Variants in ITGB6 observed in about 807,000 individuals in gnomAD.
ITGB6 encodes the protein integrin subunit beta 6.
ITGB6 carries 80 observed loss-of-function variants against 84.5 expected under a neutral mutation model. The ratio of observed to expected loss-of-function variants is 0.95; its 90% CI spans 0.79 to 1.14. ITGB6 has a LOEUF of 1.14. Among genes scored for constraint, ITGB6 ranks in the 50% most tolerant of loss-of-function variants. ITGB6 has a pLI of 0.00. For synonymous variants in ITGB6, 383 were observed against 354.9 expected, an observed-to-expected ratio of 1.08 and a Z score of -0.89; for missense variants, 1,006 against 968.0, an observed-to-expected ratio of 1.04 and a Z score of -0.52.
In ITGB6 at chr2:160,173,877, C is replaced by A; in HGVS notation, c.759+97G>T. ...ATATGAAATATAGAAATTTAGAGAT[C>A]AAAGGAAAGGAAATTAGCTAATCTT... On this transcript the variant is annotated intron_variant, in intron 5 of 14. Transcript: ENST00000283249. 13 of 1,077,588 alleles carry A rather than the reference C, an allele frequency of 1.2e-5. No homozygotes were observed. The South Asian group carries it at 2.1e-4, about 17-fold the overall frequency. 66.8% of individuals were successfully genotyped at this position (1,077,588 alleles called of 1,614,324 possible). A position where few individuals can be genotyped will look rare whatever the true frequency, so the allele number is the denominator to read the frequency against.
intron 12 of ITGB6, among the ~76,000 whole-genome samples, chr2:160,114,049 G>A (rs966581908): frequency 1.3e-5 from 2 of 152,062 alleles, no homozygotes; most frequent in Admixed American, 1.3e-4. Flanking sequence ...ACTCCTTTCA[G>A]TAATATTAAC....
intron 4 of ITGB6, among the ~76,000 whole-genome samples, chr2:160,189,540 G>C (rs574219694): frequency 0.029 from 4,474 of 152,126 alleles, 64 homozygotes; most frequent in Middle Eastern, 0.13. Flanking sequence ...AAAAGTGGGC[G>C]AAGGATATGA....
At chr2:160,199,950 C>T in intron 1 of ITGB6, 53 bp downstream of exon 1, 1 of 1,353,864 alleles carries the variant, frequency 7.4e-7, no homozygotes, top group Non-Finnish European at 1.1e-6. Flanking sequence ...AACCAAATGA[C>T]AGGTTTGTCA....
At chr2:160,104,398 A>G (rs1241199368) in intron 14 of ITGB6, among the ~76,000 whole-genome samples, 4 of 152,186 alleles carry the variant, frequency 2.6e-5, no homozygotes. Context: ...GCTGAAATGC[A>G]GGCTTGAGTC....
chr2:160,181,933 G>A (rs1685695091), intron 4 of ITGB6, among the ~76,000 whole-genome samples: 1 of 152,112 alleles, frequency 6.6e-6, no homozygotes, highest in African/African-American at 2.4e-5. Flanking sequence ...GAACAGAAAG[G>A]AATAGCATCA....
chr2:160,189,112 C>T (rs1686032638), intron 4 of ITGB6, among the ~76,000 whole-genome samples: 1 of 152,104 alleles, frequency 6.6e-6, no homozygotes, highest in Non-Finnish European at 1.5e-5. Flanking sequence ...AAAGGATTCC[C>T]TATTTAATAA....
chr2:160,136,474 A>G (rs1683727041), intron 10 of ITGB6, among the ~76,000 whole-genome samples: 1 of 152,200 alleles, frequency 6.6e-6, no homozygotes, highest in South Asian at 2.1e-4. Flanking sequence ...TAGTTCAACC[A>G]TTGTGGAAGT....
intron 4 of ITGB6, among the ~76,000 whole-genome samples, chr2:160,191,321 T>C (rs1686132354): frequency 1.3e-5 from 2 of 152,188 alleles, no homozygotes; most frequent in Admixed American, 6.6e-5. Context: ...AATAACAGAA[T>C]GCTGATTTTG....
chr2:160,171,629 CG>C (rs1313296888), intron 6 of ITGB6, among the ~76,000 whole-genome samples: 1 of 152,166 alleles, frequency 6.6e-6, no homozygotes, highest in Admixed American at 6.5e-5. Flanking sequence ...CCAACGTGCC[CG>C]GCCTCTATTT....
intron 4 of ITGB6, among the ~76,000 whole-genome samples, chr2:160,185,560 T>G (rs1292942570): frequency 1.3e-5 from 2 of 152,216 alleles, no homozygotes; most frequent in Non-Finnish European, 2.9e-5. Context: ...AAGTAATTTA[T>G]AGATTCAATG....
Position 160,174,106 on chromosome 2 carries a change from T to A in ITGB6, c.627A>T (p.Gly209=). ...TTGTCAATGGCAAAATGTGCTTGAA[T>A]CCAAATGTAGGTAAACAGAAGTATG... is the stretch of plus-strand genomic sequence containing the variant. ...SIPYFCLPTF[G]FKHILPLTND... The change falls in exon 5 of 15, where the codon GGA becomes GGT. Residue 209 remains glycine (G), a synonymous_variant. Transcript: ENST00000283249. The A allele has an allele frequency of 6.2e-7, 1 of 1,611,288 alleles. No homozygotes were observed. Among genetic ancestry groups the A allele is most frequent in the Non-Finnish European group, 8.5e-7 (1 of 1,179,322 alleles).
intron 8 of ITGB6, among the ~76,000 whole-genome samples, chr2:160,140,324 T>C (rs948617299): frequency 7.2e-5 from 11 of 152,220 alleles, no homozygotes; most frequent in Admixed American, 5.2e-4. Flanking sequence ...AATTCAAATG[T>C]TTAATGCCTT....
At position 160,190,428 on chromosome 2, in the gene ITGB6, T is replaced by G. The variant is rs779572293; in HGVS notation, c.593+4941A>C. 8.5e-5 allele frequency among the ~76,000 whole-genome samples: 13 copies of G among 152,118 alleles called. 1 individual carries two copies. Among genetic ancestry groups the G allele is most frequent in the Non-Finnish European group, 1.5e-5 (1 of 68,018 alleles). On this transcript the variant is annotated intron_variant, in intron 4 of 14. Coordinates refer to ENST00000283249, the MANE Select transcript of ITGB6 (RefSeq NM_000888.5). ...GCGAAAACACCGAAGGCTTGAGAGA[T>G]GAAATGATTCACCTAAGCTCACATT...
chr2:160,164,172 C>T (rs1684918933), intron 7 of ITGB6, among the ~76,000 whole-genome samples: 1 of 152,164 alleles, frequency 6.6e-6, no homozygotes, highest in Non-Finnish European at 1.5e-5. Context: ...TATTAGTTTA[C>T]AAGTCTGCTG....
chr2:160,103,214 A>G (rs757301600), intron 14 of ITGB6, among the ~76,000 whole-genome samples: 1 of 152,170 alleles, frequency 6.6e-6, no homozygotes, highest in African/African-American at 2.4e-5. Flanking sequence ...TTGCTTGCTC[A>G]GTATATTTCT....
intron 7 of ITGB6, among the ~76,000 whole-genome samples, chr2:160,143,296 T>C (rs1451042404): frequency 6.6e-6 from 1 of 152,020 alleles, no homozygotes; most frequent in Non-Finnish European, 1.5e-5. Flanking sequence ...AAAAAAATCA[T>C]AATAATAAAT....
chr2:160,196,083 T>C, intron 3 of ITGB6, 133 bp downstream of exon 3: 3 of 778,464 alleles, frequency 3.9e-6, no homozygotes, highest in Non-Finnish European at 6.2e-6. Context: ...AATAATTTTC[T>C]ATTTCCTTAA....
At chr2:160,149,513 A>T (rs1185144607) in intron 7 of ITGB6, among the ~76,000 whole-genome samples, 1 of 152,196 alleles carries the variant, frequency 6.6e-6, no homozygotes, top group African/African-American at 2.4e-5. Flanking sequence ...CAGAGCATAA[A>T]AGCTGAAAAT....
chr2:160,167,098 T>C (rs1685023859), intron 7 of ITGB6, among the ~76,000 whole-genome samples: 1 of 152,224 alleles, frequency 6.6e-6, no homozygotes, highest in Admixed American at 6.5e-5. Context: ...AATTGCTTTA[T>C]TTATCTATCA....
Sources: gnomAD v4.1 joint callset for allele counts (sites outside exome capture counted in the v4.1 genomes callset) on GRCh38, gnomAD v4.1.1 for gene constraint, MANE v1.5 for transcripts, NCBI Gene and HGNC (gene_info 2026-07-23, HGNC 2026-07-21) for gene names.